Variants in FUBP1 observed in about 807,000 individuals in gnomAD.
The protein encoded by FUBP1 is far upstream element-binding protein 1.
FUBP1 carries 16 observed loss-of-function variants against 94.9 expected under a neutral mutation model. The ratio of observed to expected loss-of-function variants is 0.17; its 90% CI spans 0.11 to 0.26. FUBP1 has a LOEUF of 0.26. Among genes scored for constraint, FUBP1 ranks in the 10% least tolerant of loss-of-function variants. The probability of loss-of-function intolerance (pLI) is 1.00; values close to 1 mark genes in which losing one functional copy is unlikely to be tolerated. For missense variants in FUBP1, 583 were observed against 808.6 expected, an observed-to-expected ratio of 0.72 and a Z score of 3.38; for synonymous variants, 279 against 254.9, an observed-to-expected ratio of 1.09 and a Z score of -0.90.
intron 1 of FUBP1, among the ~76,000 whole-genome samples, chr1:77,972,151 C>T (rs1314239121): frequency 6.6e-6 from 1 of 152,082 alleles, no homozygotes; most frequent in Non-Finnish European, 1.5e-5. Flanking sequence ...GAAAACACTG[C>T]TTTTCCACCC....
At chr1:77,954,467 A>T (rs888625297) in intron 18 of FUBP1, among the ~76,000 whole-genome samples, 10 of 152,326 alleles carry the variant, frequency 6.6e-5, no homozygotes, top group Non-Finnish European at 1.5e-4. Context: ...CAGTTGTGCA[A>T]AACAACTTTA....
At chr1:77,977,209 C>G (rs903401591) in intron 1 of FUBP1, among the ~76,000 whole-genome samples, 73 of 152,088 alleles carry the variant, frequency 4.8e-4, no homozygotes, top group Middle Eastern at 3.4e-3. Flanking sequence ...TTAAAACAAA[C>G]AAACGAAAAA....
At chr1:77,955,963 G>A (rs1654379474) in intron 17 of FUBP1, among the ~76,000 whole-genome samples, 1 of 152,138 alleles carries the variant, frequency 6.6e-6, no homozygotes, top group Non-Finnish European at 1.5e-5. Flanking sequence ...CAGTATGGAA[G>A]TGCTTAAAAG....
chr1:77,964,860 T>TA lies in FUBP1; in HGVS notation c.735+9_735+10insT. 8 of 1,571,724 alleles carry TA rather than the reference T, an allele frequency of 5.1e-6. No individual in the cohort carries two copies. The highest frequency in any genetic ancestry group is 7.0e-6 in the Non-Finnish European group (8 of 1,141,462). Reference sequence around the variant, plus strand: ...CACTCTTTCTTTATAAAGTATAAAGTTAAGTTTACTTGAACTTTATATGGG... The same window carrying TA: ...CACTCTTTCTTTATAAAGTATAAAGTATAAGTTTACTTGAACTTTATATGGG... On this transcript the variant is annotated intron_variant, in intron 9 of 19. Coordinates refer to ENST00000370768, the MANE Select transcript of FUBP1 (RefSeq NM_003902.5).
intron 1 of FUBP1, among the ~76,000 whole-genome samples, chr1:77,976,166 G>A (rs148518593): frequency 2.1e-4 from 32 of 152,324 alleles, no homozygotes; most frequent in African/African-American, 7.7e-4. Flanking sequence ...AGAAACTTAA[G>A]TCAATATTCT....
intron 16 of FUBP1, 147 bp downstream of exon 16, chr1:77,960,037 T>C (rs1294896464): frequency 3.4e-5 from 22 of 643,300 alleles, no homozygotes; most frequent in Non-Finnish European, 5.8e-5. Flanking sequence ...TCCTATACAC[T>C]GGGGTAGAGG....
chr1:77,963,560 T>C lies in FUBP1; in HGVS notation c.1183+14A>G. ...AATAATGTGTTAAAACATTAAGAGT[T>C]TAAAATACATTGCCTTTTCCTATTA... On this transcript the variant is annotated intron_variant, in intron 13 of 19. Coordinates refer to ENST00000370768, the MANE Select transcript of FUBP1 (RefSeq NM_003902.5). 1 of 1,497,266 alleles carries C rather than the reference T, an allele frequency of 6.7e-7. No homozygotes were observed. Among genetic ancestry groups the C allele is most frequent in the Non-Finnish European group, 9.3e-7 (1 of 1,076,100 alleles). The allele number at this position is 1,497,266 out of a possible 1,614,324, so 92.7% of individuals were successfully genotyped here. A position where few individuals can be genotyped will look rare whatever the true frequency, so the allele number is the denominator to read the frequency against.
chr1:77,969,176 T>A, intron 2 of FUBP1: 1 of 378,602 alleles, frequency 2.6e-6, no homozygotes, highest in South Asian at 2.2e-5. Context: ...ACTATAAATA[T>A]GAAAGACACT....
chr1:77,955,981 G>A (rs891131657), intron 17 of FUBP1, among the ~76,000 whole-genome samples: 5 of 152,064 alleles, frequency 3.3e-5, no homozygotes, highest in Admixed American at 3.3e-4. Flanking sequence ...AAGAATGACA[G>A]GTATTTCAAA....
intron 1 of FUBP1, among the ~76,000 whole-genome samples, chr1:77,977,063 C>T (rs952258845): frequency 6.6e-6 from 1 of 152,230 alleles, no homozygotes; most frequent in Non-Finnish European, 1.5e-5. Flanking sequence ...ACTCTATAAA[C>T]ACTTATAAAG....
At chr1:77,972,773 A>C (rs1179471745) in intron 1 of FUBP1, among the ~76,000 whole-genome samples, 1 of 137,668 alleles carries the variant, frequency 7.3e-6, no homozygotes, top group Admixed American at 7.2e-5. Flanking sequence ...AAAAAGAAAA[A>C]AAGAAAAGAA....
Position 77,945,759 on chromosome 1 carries a change from C to G in FUBP1, c.*3007G>C, listed in dbSNP as rs1333892888. ...TCGAATAAACAAAACTGATAAGATG[C>G]TGCTTTCATACATTCAACTTAACTC... On this transcript the variant is annotated 3_prime_UTR_variant, in exon 20 of 20. Coordinates refer to ENST00000370768, the MANE Select transcript of FUBP1 (RefSeq NM_003902.5). 1 of 213,084 alleles carries G rather than the reference C, an allele frequency of 4.7e-6. No individual in the cohort carries two copies. Among genetic ancestry groups the G allele is most frequent in the African/African-American group, 2.3e-5 (1 of 44,292 alleles). 13.2% of individuals were successfully genotyped at this position (213,084 alleles called of 1,614,324 possible). A position where few individuals can be genotyped will look rare whatever the true frequency, so the allele number is the denominator to read the frequency against.
chr1:77,958,269 A>G (rs574067358), intron 16 of FUBP1, among the ~76,000 whole-genome samples: 7 of 152,344 alleles, frequency 4.6e-5, no homozygotes, highest in African/African-American at 1.7e-4. Flanking sequence ...TTTACTAAAT[A>G]TTCACTCAAC....
intron 13 of FUBP1, 135 bp from the exon 14 acceptor site, chr1:77,963,065 A>G: frequency 1.9e-6 from 1 of 532,696 alleles, no homozygotes; most frequent in Non-Finnish European, 3.3e-6. Context: ...TATTGTATTA[A>G]GATTTTTCAT....
intron 1 of FUBP1, among the ~76,000 whole-genome samples, chr1:77,973,083 T>A (rs1172680864): frequency 6.7e-6 from 1 of 149,050 alleles, no homozygotes; most frequent in Non-Finnish European, 1.5e-5. Flanking sequence ...CTATAGAAAA[T>A]ACACAATTCC....
intron 6 of FUBP1, 59 bp from the exon 7 acceptor site, chr1:77,966,810 T>C: frequency 7.8e-7 from 1 of 1,277,606 alleles, no homozygotes; most frequent in South Asian, 1.2e-5. Flanking sequence ...GCATTATTGT[T>C]ACTAGAAGGC....
intron 1 of FUBP1, among the ~76,000 whole-genome samples, chr1:77,972,678 C>G (rs1657796644): frequency 6.6e-6 from 1 of 151,544 alleles, no homozygotes; most frequent in African/African-American, 2.4e-5. Flanking sequence ...AGGAGAATCA[C>G]TTGAACCCGG....
chr1:77,949,900 A>G (rs565051144), intron 18 of FUBP1, among the ~76,000 whole-genome samples: 35 of 152,358 alleles, frequency 2.3e-4, no homozygotes, highest in Non-Finnish European at 4.6e-4. Flanking sequence ...ATTTATTCCA[A>G]TTACAACACA....
In FUBP1 at chr1:77,945,030, C is replaced by A. The variant is rs903397716; in HGVS notation, c.*3736G>T. ...TATACATTGTTTCTAACACTAATAT[C>A]CAATGCATTCAAATCAACTGGCTCA... On this transcript the variant is annotated 3_prime_UTR_variant, in exon 20 of 20. Coordinates refer to ENST00000370768, the MANE Select transcript of FUBP1 (RefSeq NM_003902.5). 6.6e-6 allele frequency among the ~76,000 whole-genome samples: 1 copy of A among 151,926 alleles called. No individual in the cohort carries two copies.
Sources: gnomAD v4.1 joint callset for allele counts (sites outside exome capture counted in the v4.1 genomes callset) on GRCh38, gnomAD v4.1.1 for gene constraint, MANE v1.5 for transcripts, NCBI Gene and HGNC (gene_info 2026-07-23, HGNC 2026-07-21) for gene names.